Variants in ERICH3 observed in about 807,000 individuals in gnomAD.
ERICH3 encodes the protein glutamate-rich protein 3.
Under a neutral mutation model 131.1 loss-of-function variants are expected in ERICH3, and 126 were observed. That is an observed-to-expected ratio of 0.96 (90% confidence interval 0.83 to 1.11). The LOEUF is 1.11. Ranked by LOEUF, ERICH3 falls within the 50% of genes most tolerant of loss-of-function variation. The pLI is 0.00. For synonymous variants in ERICH3, 695 were observed against 644.6 expected (o/e 1.08, Z -1.18); for missense variants, 2,050 against 1,810.7 (o/e 1.13, Z -2.40).
intron 11 of ERICH3, among the ~76,000 whole-genome samples, chr1:74,596,935 G>A (rs1327392427): frequency 6.6e-6 from 1 of 151,998 alleles, no homozygotes; most frequent in African/African-American, 2.4e-5. Flanking sequence ...TTCAAATGAG[G>A]CTGACTTGTC....
At chr1:74,576,438 G>A (rs548328352) in intron 13 of ERICH3, among the ~76,000 whole-genome samples, 2 of 152,274 alleles carry the variant, frequency 1.3e-5, no homozygotes, top group South Asian at 4.1e-4. Context: ...TCAGCCCGCT[G>A]CACAATCAAG....
At chr1:74,638,685 G>T (rs1211871065) in intron 5 of ERICH3, among the ~76,000 whole-genome samples, 1 of 152,134 alleles carries the variant, frequency 6.6e-6, no homozygotes, top group African/African-American at 2.4e-5. Context: ...GTAGATGTAT[G>T]TCTCAGTTTT....
At position 74,573,196 on chromosome 1, in the gene ERICH3, C is replaced by G. The variant is rs60711359; in HGVS notation, c.2514G>C (p.Gly838=). The G allele has an allele frequency of 4.9e-4, 794 of 1,612,890 alleles. 2 individuals are homozygous for G. In the African/African-American group the frequency reaches 9.6e-3, roughly 19 times the overall value. ...KREIPPGIER[G]AEGAAEAEGV... ...CTTCTGCTTCTGCTGCTCCCTCTGC[C>G]CCCCTTTCTATGCCTGGAGGGATCT... The change falls in exon 14 of 15, where the codon GGG becomes GGC. Residue 838 remains glycine, a synonymous_variant. Coordinates refer to ENST00000326665, the MANE Select transcript of ERICH3 (RefSeq NM_001002912.5).
chr1:74,630,979 G>C (rs1646325517), intron 7 of ERICH3, among the ~76,000 whole-genome samples: 1 of 152,070 alleles, frequency 6.6e-6, no homozygotes, highest in African/African-American at 2.4e-5. Flanking sequence ...GCTGCTGGGA[G>C]TGAGATGTGG....
intron 1 of ERICH3, among the ~76,000 whole-genome samples, chr1:74,667,308 G>A (rs1295608974): frequency 2.0e-5 from 3 of 151,830 alleles, no homozygotes; most frequent in East Asian, 3.9e-4. Flanking sequence ...TTTTGTTTTC[G>A]CAAATTTTAT....
At position 74,646,968 on chromosome 1, in the gene ERICH3, GA is replaced by G. The variant is rs1263923307; in HGVS notation, c.118-177del. 7.6e-3 allele frequency among the ~76,000 whole-genome samples: 879 copies of G among 115,838 alleles called. 4 individuals are homozygous for G. Among genetic ancestry groups the G allele is most frequent in the African/African-American group, 0.018 (566 of 31,142 alleles). 76.0% of individuals were successfully genotyped at this position (115,838 alleles called of 152,430 possible). A position where few individuals can be genotyped will look rare whatever the true frequency, so the allele number is the denominator to read the frequency against. On this transcript the variant is annotated intron_variant, in intron 2 of 14. Coordinates refer to ENST00000326665, the MANE Select transcript of ERICH3 (RefSeq NM_001002912.5). ...TTGGGGAGGCAGGGAGGGAGAGAGA[GA>G]AAAAAAAAAAAAACGAGAGGGGAGA...
chr1:74,623,345 A>T (rs1242610214), intron 7 of ERICH3: 1 of 152,228 alleles, frequency 6.6e-6, no homozygotes, highest in East Asian at 1.9e-4. Flanking sequence ...TATATTTGCA[A>T]CATTTAGCAT....
At chr1:74,648,875 T>C (rs1192942579) in intron 2 of ERICH3, among the ~76,000 whole-genome samples, 1 of 152,164 alleles carries the variant, frequency 6.6e-6, no homozygotes. Context: ...TTTCCGAAGA[T>C]GACAGTAAAA....
intron 1 of ERICH3, among the ~76,000 whole-genome samples, chr1:74,651,782 T>A (rs776022285): frequency 2.0e-5 from 3 of 152,132 alleles, no homozygotes; most frequent in African/African-American, 7.2e-5. Flanking sequence ...AAAGTTGGGA[T>A]CACATAAACC....
At chr1:74,633,336 A>G (rs925369242) in intron 6 of ERICH3, among the ~76,000 whole-genome samples, 3 of 151,848 alleles carry the variant, frequency 2.0e-5, no homozygotes, top group African/African-American at 7.2e-5. Flanking sequence ...GTCAAGCTCT[A>G]ATTTTTCTTT....
At chr1:74,583,667 T>C (rs114643687) in intron 12 of ERICH3, among the ~76,000 whole-genome samples, 140 of 152,282 alleles carry the variant, frequency 9.2e-4, no homozygotes, top group African/African-American at 3.0e-3. Context: ...GAACCACTAA[T>C]ACATAAAACT....
intron 7 of ERICH3, among the ~76,000 whole-genome samples, chr1:74,629,391 A>G (rs1351263405): frequency 6.6e-6 from 1 of 152,130 alleles, no homozygotes; most frequent in Non-Finnish European, 1.5e-5. Context: ...TTGGAAAAAA[A>G]GAAGAGTAAG....
intron 1 of ERICH3, among the ~76,000 whole-genome samples, chr1:74,652,488 T>G (rs730645): frequency 6.6e-6 from 1 of 151,956 alleles, no homozygotes; most frequent in Non-Finnish European, 1.5e-5. Context: ...AGAGCTTTTC[T>G]GAAATTCCAC....
Position 74,590,076 on chromosome 1 carries a change from C to A in ERICH3, c.1731G>T (p.Met577Ile). ...TGGATGAGGTTGATGAAGCAGTTTTCATATCTACAAAAAATAAAAGTGATG... is the reference window on the plus strand; with the variant it reads ...TGGATGAGGTTGATGAAGCAGTTTTAATATCTACAAAAAATAAAAGTGATG... ...ESELEEDKQD[M>I]KTASSTSSRS... Residue 577 changes from methionine to isoleucine, a missense_variant, in exon 12 of 15, where the codon ATG becomes ATT. By Grantham distance (10) the Met-to-Ile change is conservative (BLOSUM62 1). Transcript: ENST00000326665. 6.3e-7 allele frequency: 1 copy of A among 1,581,972 alleles called. No homozygotes were observed. The highest frequency in any genetic ancestry group is 1.1e-5 in the South Asian group (1 of 87,536).
At chr1:74,614,342 C>A (rs1648844695) in intron 8 of ERICH3, among the ~76,000 whole-genome samples, 1 of 138,606 alleles carries the variant, frequency 7.2e-6, no homozygotes, top group African/African-American at 2.7e-5. Flanking sequence ...TATTTAGAAA[C>A]ACTGTGTGTA....
chr1:74,602,059 C>G (rs1648163545), intron 10 of ERICH3, among the ~76,000 whole-genome samples: 1 of 151,842 alleles, frequency 6.6e-6, no homozygotes, highest in African/African-American at 2.4e-5. Flanking sequence ...ACTCCTTTGA[C>G]AGCAACACAC....
chr1:74,576,389 G>T (rs936426892), intron 13 of ERICH3, among the ~76,000 whole-genome samples: 1 of 152,134 alleles, frequency 6.6e-6, no homozygotes, highest in Non-Finnish European at 1.5e-5. Flanking sequence ...CATTATAAAA[G>T]ATATGGGTTC....
At chr1:74,597,509 T>G (rs1647911105) in intron 11 of ERICH3, among the ~76,000 whole-genome samples, 1 of 151,978 alleles carries the variant, frequency 6.6e-6, no homozygotes, top group South Asian at 2.1e-4. Flanking sequence ...GTTCTTATAG[T>G]TTTCATTGCA....
In ERICH3 at chr1:74,586,410, C is replaced by T. The variant is rs1316735207; in HGVS notation, c.2176+3221G>A. ...TATAATTTCTGTAATCATGCACACA[C>T]CAAAAAATTGCTATCCACCGTTATC... On this transcript the variant is annotated intron_variant, in intron 12 of 14. Coordinates refer to ENST00000326665, the MANE Select transcript of ERICH3 (RefSeq NM_001002912.5). 19 of 982,592 alleles carry T rather than the reference C, an allele frequency of 1.9e-5. No individual in the cohort carries two copies. In the African/African-American group the frequency reaches 2.8e-4, roughly 14 times the overall value. 60.9% of individuals were successfully genotyped at this position (982,592 alleles called of 1,614,324 possible).
Sources: gnomAD v4.1 joint callset for allele counts (sites outside exome capture counted in the v4.1 genomes callset) on GRCh38, gnomAD v4.1.1 for gene constraint, MANE v1.5 for transcripts, NCBI Gene and HGNC (gene_info 2026-07-23, HGNC 2026-07-21) for gene names.